CHRDL1: variants seen among roughly 807,000 people sequenced by gnomAD.
CHRDL1 encodes chordin-like protein 1.
Under a neutral mutation model 40.9 loss-of-function variants are expected in CHRDL1, and 19 were observed. The observed-to-expected ratio is 0.46, with a 90% CI of 0.32 to 0.68. CHRDL1 has a LOEUF of 0.68. Among genes scored for constraint, CHRDL1 ranks in the 30% least tolerant of loss-of-function variants. CHRDL1 has a pLI of 0.03. For synonymous variants in CHRDL1, 136 were observed against 123.4 expected, an observed-to-expected ratio of 1.10 and a Z score of -0.68; for missense variants, 329 against 352.1, an observed-to-expected ratio of 0.93 and a Z score of 0.53.
In CHRDL1 at chrX:110,769,377, G is replaced by A. The variant is rs191557647; in HGVS notation, c.95-6570C>T. On this transcript the variant is annotated intron_variant, in intron 2 of 11. Coordinates refer to ENST00000372042, the MANE Select transcript of CHRDL1 (RefSeq NM_001143981.2). ...TGAAGTAATAAAGACAGATAAGCATGAAGCTAAGAGAAGATATTGTGAACA... is the reference window on the plus strand; with the variant it reads ...TGAAGTAATAAAGACAGATAAGCATAAAGCTAAGAGAAGATATTGTGAACA... Among the ~76,000 whole-genome samples, 5 of 112,201 alleles carry A rather than the reference G, an allele frequency of 4.5e-5. No individual in the cohort carries two copies. In the East Asian group the frequency reaches 1.1e-3, roughly 25 times the overall value.
In CHRDL1 at chrX:110,725,707, G is replaced by A. The variant is rs138140355; in HGVS notation, c.302-4177C>T. Among the ~76,000 whole-genome samples the A allele has an allele frequency of 6.0e-3, 676 of 112,021 alleles. 5 individuals are homozygous for A. The highest frequency in any genetic ancestry group is 0.02 in the African/African-American group (626 of 30,859). On this transcript the variant is annotated intron_variant, in intron 4 of 11. Coordinates refer to ENST00000372042, the MANE Select transcript of CHRDL1 (RefSeq NM_001143981.2). ...GTCAGGAGACAAATCTGCTCCCAGT[G>A]TTATAAATACAAACCTCCCCAGAGC...
intron 2 of CHRDL1, among the ~76,000 whole-genome samples, chrX:110,767,977 C>G (rs893334758): frequency 2.8e-4 from 31 of 112,377 alleles, no homozygotes; most frequent in African/African-American, 9.7e-4. Flanking sequence ...TGATTTCAAA[C>G]TATACTATAA....
At chrX:110,698,024 T>TA (rs1460828477) in intron 7 of CHRDL1, among the ~76,000 whole-genome samples, 27 of 111,767 alleles carry the variant, frequency 2.4e-4, no homozygotes, top group Non-Finnish European at 4.3e-4. Context: ...TAAAACTTGC[T>TA]AAGCCGATGG....
chrX:110,685,779 T>G (rs1403148354), intron 9 of CHRDL1, among the ~76,000 whole-genome samples: 5 of 44,062 alleles, frequency 1.1e-4, no homozygotes, highest in African/African-American at 6.9e-4. Context: ...TTATTTCCAA[T>G]TTTTCAGTAT....
intron 11 of CHRDL1, among the ~76,000 whole-genome samples, chrX:110,678,600 G>T (rs373199437): frequency 3.6e-5 from 4 of 111,257 alleles, no homozygotes; most frequent in African/African-American, 1.3e-4. Context: ...AGCCCACCTG[G>T]CTCTCATCTC....
chrX:110,682,693 T>G (rs1268378189), intron 9 of CHRDL1, among the ~76,000 whole-genome samples: 1 of 112,239 alleles, frequency 8.9e-6, no homozygotes, highest in African/African-American at 3.2e-5. Flanking sequence ...GGACTAGAAG[T>G]TGTAATCAAA....
intron 4 of CHRDL1, among the ~76,000 whole-genome samples, chrX:110,732,805 T>G (rs2071191527): frequency 9.0e-6 from 1 of 111,028 alleles, no homozygotes; most frequent in Non-Finnish European, 1.9e-5. Flanking sequence ...GCCCATGTAT[T>G]CTTAGCTAAG....
intron 4 of CHRDL1, among the ~76,000 whole-genome samples, chrX:110,736,036 C>T (rs748598058): frequency 8.9e-6 from 1 of 112,119 alleles, no homozygotes; most frequent in African/African-American, 3.2e-5. Flanking sequence ...GAAAGTGGTC[C>T]CTGGAGGCCA....
chrX:110,793,738 C>T (rs1461189678), intron 1 of CHRDL1, among the ~76,000 whole-genome samples: 3 of 112,079 alleles, frequency 2.7e-5, no homozygotes, highest in African/African-American at 9.7e-5. Flanking sequence ...TGGATTTCAA[C>T]GGGTGTTTCT....
At chrX:110,766,919 A>G (rs1215589397) in intron 2 of CHRDL1, among the ~76,000 whole-genome samples, 1 of 112,045 alleles carries the variant, frequency 8.9e-6, no homozygotes, top group Non-Finnish European at 1.9e-5. Flanking sequence ...ATCTTTGATG[A>G]ACATAGATGC....
chrX:110,712,634 C>T (rs767352289), intron 6 of CHRDL1, among the ~76,000 whole-genome samples: 2 of 109,722 alleles, frequency 1.8e-5, no homozygotes, highest in Non-Finnish European at 3.8e-5. Flanking sequence ...TTTGGGAGGC[C>T]GAGGCAGGAG....
Position 110,676,342 on chromosome X carries a change from G to C in CHRDL1, c.1266C>G (p.Thr422=). Residue 422 remains threonine (T), a synonymous_variant, in exon 12 of 12, where the codon ACC becomes ACG. Transcript: ENST00000372042. ...TCTGGCTGATCTGAGCTTCTCCTTC[G>C]GTGAAGATCTTCCACTGGCCTAAAA... ...RTTLSQWKIF[T]EGEAQISQMC... The C allele has an allele frequency of 8.3e-7, 1 of 1,210,056 alleles. No homozygotes were observed. Among genetic ancestry groups the C allele is most frequent in the African/African-American group, 1.7e-5 (1 of 57,653 alleles).
intron 8 of CHRDL1, among the ~76,000 whole-genome samples, chrX:110,692,913 C>T (rs747881441): frequency 6.2e-5 from 7 of 112,201 alleles, no homozygotes; most frequent in East Asian, 2.8e-4. Flanking sequence ...TTCTTTGTAA[C>T]GGATTGTTTT....
rs183966561 is a variant in CHRDL1 at position 110,690,055 on chromosome X, T to A, written c.779-1252A>T. 4.6e-3 allele frequency among the ~76,000 whole-genome samples: 356 copies of A among 77,669 alleles called. 61 individuals carry two copies. Among genetic ancestry groups the A allele is most frequent in the Middle Eastern group, 0.021 (4 of 191 alleles). The allele number at this position is 77,669 out of a possible 115,157, so 67.4% of individuals were successfully genotyped here. ...TATATATATCTATATATATATATATTTTTTTTTTGAGATGGAGTCTCGCTC... is the reference window on the plus strand; with the variant it reads ...TATATATATCTATATATATATATATATTTTTTTTGAGATGGAGTCTCGCTC... On this transcript the variant is annotated intron_variant, in intron 8 of 11. Coordinates refer to ENST00000372042, the MANE Select transcript of CHRDL1 (RefSeq NM_001143981.2).
intron 2 of CHRDL1, among the ~76,000 whole-genome samples, chrX:110,773,291 G>A (rs978372664): frequency 1.1e-4 from 12 of 111,616 alleles, no homozygotes; most frequent in Non-Finnish European, 2.1e-4. Flanking sequence ...TTTTCTTTTA[G>A]CTCAAAATAT....
chrX:110,747,477 G>T (rs1248369161), intron 4 of CHRDL1, among the ~76,000 whole-genome samples: 1 of 106,979 alleles, frequency 9.3e-6, no homozygotes, highest in Non-Finnish European at 1.9e-5. Context: ...CAAACAAGTA[G>T]ACAAATATAA....
intron 6 of CHRDL1, among the ~76,000 whole-genome samples, chrX:110,712,562 T>C (rs1218826641): frequency 1.2e-4 from 13 of 111,376 alleles, no homozygotes; most frequent in African/African-American, 4.2e-4. Flanking sequence ...AATGGTAGCA[T>C]GATCAAGTAG....
At chrX:110,795,329 C>T (rs183839509) in intron 1 of CHRDL1, among the ~76,000 whole-genome samples, 43 of 111,729 alleles carry the variant, frequency 3.8e-4, no homozygotes, top group African/African-American at 1.3e-3. Context: ...GGGAGCCTTT[C>T]GCCCATCTAC....
At chrX:110,791,968 T>A (rs2090109622) in intron 2 of CHRDL1, 120 bp downstream of exon 2, 1 of 453,634 alleles carries the variant, frequency 2.2e-6, no homozygotes, top group African/African-American at 2.5e-5. Flanking sequence ...AACATTCACT[T>A]TCTTCTCTTA....
Sources: allele counts gnomAD v4.1 joint callset (sites outside exome capture counted in the v4.1 genomes callset), GRCh38; gene constraint gnomAD v4.1.1; transcripts MANE v1.5; gene names NCBI Gene and HGNC (gene_info 2026-07-23, HGNC 2026-07-21).